The following MBD5 variants were observed in gnomAD, a reference collection of about 807,000 sequenced individuals.
MBD5 encodes methyl-CpG-binding domain protein 5.
A neutral mutation model predicts 117.3 loss-of-function variants in MBD5; 13 were observed. That is an observed-to-expected ratio of 0.11 (90% confidence interval 0.07 to 0.18). The LOEUF is 0.18. MBD5 is among the 10% of genes least tolerant of loss of function. MBD5 has a pLI of 1.00. For missense variants in MBD5, 1,879 were observed against 2,093.8 expected (o/e 0.90, Z 2.00); for synonymous variants, 727 against 766.4 (o/e 0.95, Z 0.85).
At chr2:148,318,028 CA>C (rs1331207849) in intron 3 of MBD5, among the ~76,000 whole-genome samples, 11 of 152,138 alleles carry the variant, frequency 7.2e-5, no homozygotes, top group African/African-American at 2.7e-4. Context: ...AAGAACTTTC[CA>C]TACCAATTTC....
At chr2:148,140,970 T>A (rs1222799096) in intron 1 of MBD5, among the ~76,000 whole-genome samples, 2 of 151,922 alleles carry the variant, frequency 1.3e-5, no homozygotes, top group African/African-American at 4.8e-5. Context: ...TTCACCATCA[T>A]CATGTTGCCC....
chr2:148,248,891 A>G (rs1431849621), intron 3 of MBD5, among the ~76,000 whole-genome samples: 1 of 152,102 alleles, frequency 6.6e-6, no homozygotes, highest in African/African-American at 2.4e-5. Flanking sequence ...AAAAAGAGGT[A>G]TATAAAATTA....
At chr2:148,186,250 G>C (rs1030081211) in intron 2 of MBD5, among the ~76,000 whole-genome samples, 1 of 152,290 alleles carries the variant, frequency 6.6e-6, no homozygotes, top group African/African-American at 2.4e-5. Context: ...CATGAGATCT[G>C]GTGGTTTTTA....
At chr2:148,121,434 T>C (rs953235171) in intron 1 of MBD5, among the ~76,000 whole-genome samples, 35 of 152,002 alleles carry the variant, frequency 2.3e-4, no homozygotes, top group African/African-American at 7.5e-4. Flanking sequence ...TACAATGATA[T>C]GCATTTCTCT....
intron 1 of MBD5, among the ~76,000 whole-genome samples, chr2:148,049,671 A>G (rs917742423): frequency 1.4e-4 from 21 of 152,176 alleles, no homozygotes; most frequent in East Asian, 9.6e-4. Flanking sequence ...GAATATTTCT[A>G]TCTCCCTGAA....
intron 3 of MBD5, among the ~76,000 whole-genome samples, chr2:148,313,661 A>G (rs953609854): frequency 3.3e-5 from 5 of 152,092 alleles, no homozygotes; most frequent in African/African-American, 1.2e-4. Flanking sequence ...GTTCTGTCTC[A>G]TTGGCATTCC....
At chr2:148,331,222 T>C (rs1252741960) in intron 3 of MBD5, among the ~76,000 whole-genome samples, 1 of 152,206 alleles carries the variant, frequency 6.6e-6, no homozygotes, top group Non-Finnish European at 1.5e-5. Flanking sequence ...CCACAGATTA[T>C]TAAAGTTAAT....
chr2:148,353,284 G>T (rs911938640), intron 4 of MBD5, among the ~76,000 whole-genome samples: 6 of 152,074 alleles, frequency 3.9e-5, no homozygotes, highest in African/African-American at 1.2e-4. Context: ...CCTCTGAAGG[G>T]TGTATATGTG....
upstream of MBD5, chr2:148,021,022 C>T (rs542802701): frequency 1.3e-5 from 2 of 152,246 alleles, no homozygotes; most frequent in Non-Finnish European, 2.9e-5. Context: ...ACCAACCAGC[C>T]ACCCGTCAGA....
chr2:148,490,074 T>G lies in MBD5; in HGVS notation c.4442T>G (p.Leu1481Arg). The change falls in exon 11 of 14, where the codon CTG becomes CGG. Residue 1481 changes from leucine (L) to arginine (R), a missense_variant. This residue lies in a region of MBD5 where 1,666 missense variants were observed against 1,792.2 expected (regional missense o/e 0.93). Coordinates refer to ENST00000642680, the MANE Select transcript of MBD5 (RefSeq NM_001378120.1). ...CTGCCTGGGGAACAGCACCCAATAC[T>G]GTTACCACCAAGAAACTGTCCAGGG... is the stretch of plus-strand genomic sequence containing the variant. Reference protein sequence around the residue: ...PFLPGEQHPILLPPRNCPGDK... With the variant: ...PFLPGEQHPIRLPPRNCPGDK... 3 of 1,614,016 alleles carry G rather than the reference T, an allele frequency of 1.9e-6. No homozygotes were observed. Among genetic ancestry groups the G allele is most frequent in the Non-Finnish European group, 2.5e-6 (3 of 1,179,998 alleles).
In MBD5 at chr2:148,490,532, G is replaced by A. The variant is rs746490333; in HGVS notation, c.4900G>A (p.Gly1634Arg). ...GQIKGLTSWP[G>R]KLVREDDVHN... The stretch of plus-strand genomic sequence containing the variant: ...AATCAAAGGACTGACTTCCTGGCCT[G>A]GAAAATTAGTAAGAGAAGACGACGT... The change falls in exon 11 of 14, where the codon GGA (glycine) becomes AGA (arginine). Residue 1634 changes from glycine to arginine, a missense_variant. Physicochemically the swap from Gly to Arg is moderately radical, Grantham distance 125. This residue lies in a region of MBD5 where 135 missense variants were observed against 148.0 expected (regional missense o/e 0.91). Transcript: ENST00000642680. The A allele has an allele frequency of 6.2e-7, 1 of 1,614,182 alleles. No individual in the cohort carries two copies. Among genetic ancestry groups the A allele is most frequent in the Non-Finnish European group, 8.5e-7 (1 of 1,180,042 alleles).
intron 1 of MBD5, among the ~76,000 whole-genome samples, chr2:148,043,432 G>A (rs1004651646): frequency 7.3e-6 from 1 of 137,854 alleles, no homozygotes; most frequent in African/African-American, 2.7e-5. Flanking sequence ...CTGTCTGGGC[G>A]ACAGAGCGAG....
chr2:148,021,463 TTGCTGCTGC>T lies in MBD5; in HGVS notation c.-1137_-1129del, dbSNP rs569896406. 1 of 573,876 alleles carries T rather than the reference TTGCTGCTGC, an allele frequency of 1.7e-6. No individual in the cohort carries two copies. Among genetic ancestry groups the T allele is most frequent in the South Asian group, 1.5e-5 (1 of 66,188 alleles). 35.5% of individuals were successfully genotyped at this position (573,876 alleles called of 1,614,324 possible). A position where few individuals can be genotyped will look rare whatever the true frequency, so the allele number is the denominator to read the frequency against. On this transcript the variant is annotated 5_prime_UTR_variant, in exon 1 of 14. Transcript: ENST00000642680. The stretch of plus-strand genomic sequence containing the variant: ...CAACACAGACCCTTTGCTGCTGCTG[TTGCTGCTGC>T]TGCTGCTGTTGCTGCTGCTGCTGCT...
intron 1 of MBD5, among the ~76,000 whole-genome samples, chr2:148,081,094 C>T (rs1236832462): frequency 1.3e-5 from 2 of 152,124 alleles, no homozygotes; most frequent in Non-Finnish European, 2.9e-5. Context: ...TATATTTCAG[C>T]ATAAGAACCA....
At chr2:148,142,528 C>T (rs544572068) in intron 1 of MBD5, among the ~76,000 whole-genome samples, 6 of 152,250 alleles carry the variant, frequency 3.9e-5, no homozygotes, top group Middle Eastern at 3.4e-3. Context: ...ATACTACCCT[C>T]ACACCCAAAA....
intron 3 of MBD5, among the ~76,000 whole-genome samples, chr2:148,241,379 G>C (rs1700213125): frequency 1.3e-5 from 2 of 152,114 alleles, no homozygotes; most frequent in Non-Finnish European, 2.9e-5. Flanking sequence ...TGGAAAGCCT[G>C]AGGTGTTACT....
intron 3 of MBD5, among the ~76,000 whole-genome samples, chr2:148,267,907 G>A (rs1700893958): frequency 6.7e-6 from 1 of 149,122 alleles, no homozygotes; most frequent in Non-Finnish European, 1.5e-5. Flanking sequence ...TTGCTATTGT[G>A]AACGATTTTT....
chr2:148,126,723 G>A lies in MBD5; in HGVS notation c.-924-51977G>A, dbSNP rs550613460. 9.2e-5 allele frequency among the ~76,000 whole-genome samples: 14 copies of A among 151,976 alleles called. No individual in the cohort carries two copies. The East Asian group carries it at 2.7e-3, about 29-fold the overall frequency. ...ACAGTAATGCCATCTTTTCCCCCCT[G>A]GCTCTTTATTCTTAAAAAGCAGTTG... On this transcript the variant is annotated intron_variant, in intron 1 of 13. Transcript: ENST00000642680.
At chr2:148,086,014 A>T (rs977744057) in intron 1 of MBD5, among the ~76,000 whole-genome samples, 1 of 152,144 alleles carries the variant, frequency 6.6e-6, no homozygotes, top group African/African-American at 2.4e-5. Flanking sequence ...TATAGACTTT[A>T]TATTTCCTAT....
Sources: gnomAD v4.1 joint callset for allele counts (sites outside exome capture counted in the v4.1 genomes callset) on GRCh38, gnomAD v4.1.1 for gene constraint, gnomAD v4.1.1 regional missense constraint, MANE v1.5 for transcripts, NCBI Gene and HGNC (gene_info 2026-07-23, HGNC 2026-07-21) for gene names.